PALS2: variants seen among roughly 807,000 people sequenced by gnomAD.
The protein encoded by PALS2 is protein associated with LIN7 2, MAGUK p55 family member, also known as protein PALS2.
A neutral mutation model predicts 61.6 loss-of-function variants in PALS2; 27 were observed. The observed-to-expected ratio is 0.44, with a 90% confidence interval of 0.32 to 0.60. The LOEUF is 0.60. Among genes scored for constraint, PALS2 ranks in the 20% least tolerant of loss-of-function variants. PALS2 has a pLI of 0.05. For missense variants in PALS2, 554 were observed against 639.4 expected (o/e 0.87, Z 1.44); for synonymous variants, 236 against 218.6 (o/e 1.08, Z -0.70).
Position 24,687,662 on chromosome 7 carries a change from G to A in PALS2, c.*48G>A, listed in dbSNP as rs767458563. ...AAAATTAAACTCTTAAAAAGTGACT[G>A]CAACAAATAAACCTTCTACTGAGAA... On this transcript the variant is annotated 3_prime_UTR_variant, in exon 12 of 12. Transcript: ENST00000222644. This position sits in a 1 kb window ranked among gnomAD's most constrained non-coding sequence, Gnocchi z 4.5. 3 of 1,518,450 alleles carry A rather than the reference G, an allele frequency of 2.0e-6. No individual in the cohort carries two copies. The highest frequency in any genetic ancestry group is 1.4e-5 in the African/African-American group (1 of 70,896). 94.1% of individuals were successfully genotyped at this position (1,518,450 alleles called of 1,614,324 possible).
At chr7:24,576,290 C>G (rs1010685795) in intron 1 of PALS2, among the ~76,000 whole-genome samples, 1 of 152,132 alleles carries the variant, frequency 6.6e-6, no homozygotes, top group Non-Finnish European at 1.5e-5. Context: ...TCTTCCTGTT[C>G]AGTCTCACAG....
chr7:24,676,734 T>C (rs1472257206), intron 9 of PALS2, among the ~76,000 whole-genome samples: 1 of 151,150 alleles, frequency 6.6e-6, no homozygotes, highest in Admixed American at 6.6e-5. Context: ...CATTGATCTG[T>C]ATCTCTGTTT....
intron 1 of PALS2, among the ~76,000 whole-genome samples, chr7:24,594,576 T>G (rs973695555): frequency 6.6e-6 from 1 of 152,118 alleles, no homozygotes; most frequent in African/African-American, 2.4e-5. Flanking sequence ...TTCAATATCG[T>G]TATGTCTCAG....
intron 5 of PALS2, among the ~76,000 whole-genome samples, chr7:24,650,915 T>C (rs1415648105): frequency 6.6e-6 from 1 of 152,216 alleles, no homozygotes; most frequent in Non-Finnish European, 1.5e-5. Context: ...AATAGTAGAT[T>C]TCTTCATTAA....
At chr7:24,666,188 C>G in intron 8 of PALS2, 99 bp downstream of exon 8, 2 of 1,036,138 alleles carry the variant, frequency 1.9e-6, no homozygotes, top group Non-Finnish European at 1.4e-6. Context: ...GAGTGTAATT[C>G]AGATTAGTAC....
intron 9 of PALS2, among the ~76,000 whole-genome samples, chr7:24,673,986 T>C (rs1399305320): frequency 6.6e-6 from 1 of 152,074 alleles, no homozygotes; most frequent in Non-Finnish European, 1.5e-5. Context: ...CTCAAAATAC[T>C]TTTGAGTGGG....
At chr7:24,579,405 G>C (rs973685843) in intron 1 of PALS2, among the ~76,000 whole-genome samples, 2 of 152,222 alleles carry the variant, frequency 1.3e-5, no homozygotes, top group East Asian at 3.8e-4. Context: ...TGATACAGAT[G>C]TTTGTGAAAG....
intron 1 of PALS2, among the ~76,000 whole-genome samples, chr7:24,622,230 G>C (rs1283835092): frequency 6.6e-6 from 1 of 151,926 alleles, no homozygotes; most frequent in Non-Finnish European, 1.5e-5. Flanking sequence ...ATTTTGATAG[G>C]GAGTGTATTA....
At chr7:24,680,263 G>T in intron 10 of PALS2, 129 bp from the exon 11 acceptor site, 1 of 864,114 alleles carries the variant, frequency 1.2e-6, no homozygotes, top group East Asian at 2.7e-5. Flanking sequence ...GGACAGAACA[G>T]GGATAAGTAT....
At chr7:24,576,087 A>G (rs1428797290) in intron 1 of PALS2, among the ~76,000 whole-genome samples, 2 of 152,204 alleles carry the variant, frequency 1.3e-5, no homozygotes, top group East Asian at 1.9e-4. Context: ...GTTTGGGAAT[A>G]TGTCAGTTAT....
intron 3 of PALS2, among the ~76,000 whole-genome samples, chr7:24,643,130 G>A (rs185470155): frequency 2.0e-5 from 3 of 152,220 alleles, no homozygotes; most frequent in South Asian, 2.1e-4. Flanking sequence ...TGACTTAAAC[G>A]ATGGCTGTTG....
At chr7:24,653,395 A>C (rs1376116084) in intron 5 of PALS2, among the ~76,000 whole-genome samples, 1 of 25,860 alleles carries the variant, frequency 3.9e-5, no homozygotes, top group Non-Finnish European at 5.6e-5. Context: ...TTTTATTACA[A>C]AAAAAAAAAA....
chr7:24,619,269 C>T (rs1053418845), intron 1 of PALS2, among the ~76,000 whole-genome samples: 1 of 151,946 alleles, frequency 6.6e-6, no homozygotes, highest in Non-Finnish European at 1.5e-5. Flanking sequence ...GGTAGTAATT[C>T]TGTTTCTCTG....
At chr7:24,599,491 A>T (rs1277294826) in intron 1 of PALS2, among the ~76,000 whole-genome samples, 1 of 149,494 alleles carries the variant, frequency 6.7e-6, no homozygotes, top group Non-Finnish European at 1.5e-5. Flanking sequence ...TTCTTTTTTA[A>T]TATCTTCTAT....
intron 5 of PALS2, among the ~76,000 whole-genome samples, chr7:24,656,974 C>G (rs78015921): frequency 2.0e-5 from 3 of 152,066 alleles, no homozygotes; most frequent in African/African-American, 7.3e-5. Flanking sequence ...AATGGAATAC[C>G]TGTATTCTTT....
chr7:24,619,894 A>G (rs530775522), intron 1 of PALS2, among the ~76,000 whole-genome samples: 1 of 152,206 alleles, frequency 6.6e-6, no homozygotes, highest in African/African-American at 2.4e-5. Context: ...TAAATGGGAA[A>G]AACTTCCCTG....
In PALS2 at chr7:24,679,545, A is replaced by G. The variant is rs571452979; in HGVS notation, c.1317+212A>G. Reference sequence around the variant, plus strand: ...TTAGCCAACAGAGGCTTGGGTGGCAATAGAAACTGTGTGATTAGATCTACA... The same window carrying G: ...TTAGCCAACAGAGGCTTGGGTGGCAGTAGAAACTGTGTGATTAGATCTACA... On this transcript the variant is annotated intron_variant, in intron 10 of 11. Coordinates refer to ENST00000222644, the MANE Select transcript of PALS2 (RefSeq NM_001303037.2). Among the ~76,000 whole-genome samples the G allele has an allele frequency of 3.7e-4, 56 of 152,212 alleles. No homozygotes were observed. In the East Asian group the frequency reaches 0.01, roughly 27 times the overall value.
chr7:24,616,278 G>A (rs1462844677), intron 1 of PALS2, among the ~76,000 whole-genome samples: 1 of 152,038 alleles, frequency 6.6e-6, no homozygotes, highest in Non-Finnish European at 1.5e-5. Flanking sequence ...CATATGGCAT[G>A]ATCTTACAAT....
chr7:24,670,485 C>G (rs757996798), intron 9 of PALS2, among the ~76,000 whole-genome samples: 5 of 152,108 alleles, frequency 3.3e-5, no homozygotes, highest in Non-Finnish European at 7.4e-5. Flanking sequence ...GTTCCTGGAT[C>G]CCATTCTTTC....
Sources: allele counts gnomAD v4.1 joint callset (sites outside exome capture counted in the v4.1 genomes callset), GRCh38; gene constraint gnomAD v4.1.1; non-coding constraint Gnocchi (gnomAD v3.1); transcripts MANE v1.5; gene names NCBI Gene and HGNC (gene_info 2026-07-23, HGNC 2026-07-21).